The following CTNND2 variants were observed in gnomAD, a reference collection of about 807,000 sequenced individuals.
CTNND2 encodes catenin delta 2.
CTNND2 carries 22 observed loss-of-function variants against 144.4 expected under a neutral mutation model. The observed-to-expected ratio is 0.15, with a 90% CI of 0.11 to 0.22. The LOEUF is 0.22. Ranked by LOEUF, CTNND2 falls within the 10% of genes least tolerant of loss-of-function variation. The pLI, the probability that CTNND2 is intolerant of heterozygous loss-of-function variation, is 1.00. For synonymous variants in CTNND2, 751 were observed against 695.6 expected (o/e 1.08, Z -1.25); for missense variants, 1,353 against 1,618.8 (o/e 0.84, Z 2.82).
chr5:11,728,801 TA>T (rs1209666223), intron 2 of CTNND2, among the ~76,000 whole-genome samples: 1 of 152,196 alleles, frequency 6.6e-6, no homozygotes, highest in African/African-American at 2.4e-5. Flanking sequence ...TTTTCATCTA[TA>T]TTTTTTTCTA....
At chr5:11,783,940 A>T (rs1028942203) in intron 1 of CTNND2, among the ~76,000 whole-genome samples, 1 of 152,208 alleles carries the variant, frequency 6.6e-6, no homozygotes, top group Non-Finnish European at 1.5e-5. Context: ...TTAGCAGAAA[A>T]GTGAGAAGAG....
intron 3 of CTNND2, among the ~76,000 whole-genome samples, chr5:11,429,797 G>GGTGGT (rs1763112460): frequency 6.6e-6 from 1 of 151,850 alleles, no homozygotes; most frequent in African/African-American, 2.4e-5. Flanking sequence ...GCGGGTTCTC[G>GGTGGT]CACCCCTCAA....
At chr5:11,789,844 G>A (rs1368113284) in intron 1 of CTNND2, among the ~76,000 whole-genome samples, 1 of 152,094 alleles carries the variant, frequency 6.6e-6, no homozygotes, top group African/African-American at 2.4e-5. Context: ...ATTCTGATTG[G>A]TAACTCCTTT....
intron 1 of CTNND2, among the ~76,000 whole-genome samples, chr5:11,786,708 T>A (rs985170520): frequency 6.7e-6 from 1 of 148,874 alleles, no homozygotes; most frequent in Non-Finnish European, 1.5e-5. Flanking sequence ...AAGATCCCTC[T>A]CCTTTAGTTT....
At chr5:10,992,766 G>C in intron 18 of CTNND2, 89 bp from the exon 19 acceptor site, 1 of 1,515,584 alleles carries the variant, frequency 6.6e-7, no homozygotes, top group Non-Finnish European at 9.0e-7. Flanking sequence ...ATCTGGATTT[G>C]CATAATATTT....
chr5:11,275,391 C>T (rs193265526), intron 9 of CTNND2, among the ~76,000 whole-genome samples: 112 of 152,312 alleles, frequency 7.4e-4, no homozygotes, highest in Non-Finnish European at 1.3e-3. Context: ...GCTTTTGCTC[C>T]AACTGTCCTG....
At chr5:11,233,323 T>C (rs1741251543) in intron 10 of CTNND2, among the ~76,000 whole-genome samples, 1 of 152,170 alleles carries the variant, frequency 6.6e-6, no homozygotes, top group East Asian at 1.9e-4. Context: ...TTGGCTTTAT[T>C]ATATGAAAAC....
chr5:11,307,785 G>A (rs1182955446), intron 9 of CTNND2, among the ~76,000 whole-genome samples: 1 of 152,184 alleles, frequency 6.6e-6, no homozygotes, highest in Non-Finnish European at 1.5e-5. Flanking sequence ...TCCTGCTTTA[G>A]TTACTGCATA....
At chr5:11,210,669 G>A (rs1376820807) in intron 10 of CTNND2, among the ~76,000 whole-genome samples, 2 of 152,130 alleles carry the variant, frequency 1.3e-5, no homozygotes, top group Non-Finnish European at 2.9e-5. Flanking sequence ...CATAAATTTT[G>A]AAAACACACA....
At position 11,068,442 on chromosome 5, in the gene CTNND2, CAAGTT is replaced by C. The variant is rs772708359; in HGVS notation, c.2788+14249_2788+14253del. Among the ~76,000 whole-genome samples, 14 of 152,134 alleles carry C rather than the reference CAAGTT, an allele frequency of 9.2e-5. No individual in the cohort carries two copies. In the East Asian group the frequency reaches 2.3e-3, roughly 25 times the overall value. On this transcript the variant is annotated intron_variant, in intron 16 of 21. Transcript: ENST00000304623. ...TATAAGTTTGTGGTGGTGATGTGTTCAAGTTAAGGAAAGAGAGTAGAGGGTAAGTA... is the reference window on the plus strand; with the variant it reads ...TATAAGTTTGTGGTGGTGATGTGTTCAAGGAAAGAGAGTAGAGGGTAAGTA...
chr5:11,667,041 G>C (rs1783604648), intron 2 of CTNND2, among the ~76,000 whole-genome samples: 1 of 151,994 alleles, frequency 6.6e-6, no homozygotes, highest in African/African-American at 2.4e-5. Flanking sequence ...TCTTGTGTTA[G>C]TTTACTGAGA....
intron 12 of CTNND2, among the ~76,000 whole-genome samples, chr5:11,158,492 G>A (rs1758441720): frequency 6.6e-6 from 1 of 152,150 alleles, no homozygotes; most frequent in South Asian, 2.1e-4. Context: ...AATTGTCAGA[G>A]GATTCCCATT....
intron 3 of CTNND2, among the ~76,000 whole-genome samples, chr5:11,470,106 AC>A (rs1216736150): frequency 6.6e-6 from 1 of 152,110 alleles, no homozygotes; most frequent in Non-Finnish European, 1.5e-5. Flanking sequence ...TATAAAACAC[AC>A]CCTATTATCA....
rs925024477 is a variant in CTNND2 at position 11,733,765 on chromosome 5, G to A, written c.38-1493C>T. On this transcript the variant is annotated intron_variant, in intron 1 of 21. Transcript: ENST00000304623. ...TGTCTGAGTTTATTTGTGAAAGAAAGCAGAAACTCAAATAACATTAGACCC... is the reference window on the plus strand; with the variant it reads ...TGTCTGAGTTTATTTGTGAAAGAAAACAGAAACTCAAATAACATTAGACCC... Among the ~76,000 whole-genome samples the A allele has an allele frequency of 1.8e-4, 28 of 152,170 alleles. 1 individual carries two copies. Among genetic ancestry groups the A allele is most frequent in the African/African-American group, 5.5e-4 (23 of 41,444 alleles).
chr5:11,059,090 T>C (rs1746646123), intron 16 of CTNND2, among the ~76,000 whole-genome samples: 2 of 152,180 alleles, frequency 1.3e-5, no homozygotes, highest in South Asian at 2.1e-4. Context: ...CTGTGGACTT[T>C]TGAGTTAATG....
intron 9 of CTNND2, among the ~76,000 whole-genome samples, chr5:11,304,269 AT>A (rs1333681743): frequency 2.0e-5 from 3 of 151,982 alleles, no homozygotes; most frequent in Non-Finnish European, 4.4e-5. Flanking sequence ...CCGTTTCATT[AT>A]TTTTTATTTG....
At chr5:11,662,214 TAC>T (rs1261550433) in intron 2 of CTNND2, among the ~76,000 whole-genome samples, 1 of 134,176 alleles carries the variant, frequency 7.5e-6, no homozygotes, top group Non-Finnish European at 1.5e-5. Flanking sequence ...TGTATATATA[TAC>T]ATATATGTGT....
At chr5:11,790,869 T>TA (rs1216979091) in intron 1 of CTNND2, among the ~76,000 whole-genome samples, 1 of 152,190 alleles carries the variant, frequency 6.6e-6, no homozygotes, top group Admixed American at 6.5e-5. Flanking sequence ...ATTCCCCAGA[T>TA]AGATACGTTG....
intron 1 of CTNND2, among the ~76,000 whole-genome samples, chr5:11,902,375 C>A (rs974041479): frequency 6.6e-6 from 1 of 152,140 alleles, no homozygotes; most frequent in African/African-American, 2.4e-5. Context: ...ACAGGTTCAC[C>A]GCCATAACTT....
Sources: allele counts gnomAD v4.1 joint callset (sites outside exome capture counted in the v4.1 genomes callset), GRCh38; gene constraint gnomAD v4.1.1; transcripts MANE v1.5; gene names NCBI Gene and HGNC (gene_info 2026-07-23, HGNC 2026-07-21).